Variants in FSIP2 observed in about 807,000 individuals in gnomAD.
The protein encoded by FSIP2 is fibrous sheath interacting protein 2.
In FSIP2, 367 loss-of-function variants were observed where a neutral mutation model predicts 510.5. The observed-to-expected ratio is 0.72, with a 90% confidence interval of 0.66 to 0.78. The LOEUF (loss-of-function observed/expected upper bound fraction) is 0.78, where lower values mean the gene tolerates loss of function less well. FSIP2 is among the 30% of genes least tolerant of loss of function. FSIP2 has a pLI of 0.00. For missense variants in FSIP2, 7,594 were observed against 7,901.7 expected, an observed-to-expected ratio of 0.96 and a Z score of 1.48; for synonymous variants, 2,601 against 2,732.2, an observed-to-expected ratio of 0.95 and a Z score of 1.50.
rs1559030600 is a variant in FSIP2, at chr2:185,797,392, C to T, written c.10256C>T (p.Pro3419Leu). Residue 3419 changes from proline to leucine, a missense_variant, in exon 16 of 23, where the codon CCA becomes CTA. Coordinates refer to ENST00000424728, the MANE Select transcript of FSIP2 (RefSeq NM_173651.4). ...CAAAAATTGAAAAAAAAGGAGTACC[C>T]AAAGATAGAGACTGTGAAGGAAGTT... ...FLQKLKKKEYPKIETVKEVEA... is the reference protein window; with the variant it reads ...FLQKLKKKEYLKIETVKEVEA... The T allele has an allele frequency of 6.5e-7, 1 of 1,530,962 alleles. No homozygotes were observed. The highest frequency in any genetic ancestry group is 8.7e-7 in the Non-Finnish European group (1 of 1,145,290). 94.8% of individuals were successfully genotyped at this position (1,530,962 alleles called of 1,614,324 possible). A position where few individuals can be genotyped will look rare whatever the true frequency, so the allele number is the denominator to read the frequency against.
In FSIP2 at chr2:185,796,988, A is replaced by G; in HGVS notation, c.9852A>G (p.Ala3284=). The G allele has an allele frequency of 5.9e-6, 9 of 1,535,090 alleles. No homozygotes were observed. Among genetic ancestry groups the G allele is most frequent in the Non-Finnish European group, 7.9e-6 (9 of 1,146,226 alleles). ...LRKASDSTEA[A]LKQVLSFIEM... ...AAGCAAGTGACTCCACAGAAGCAGC[A>G]TTAAAGCAAGTCTTGTCATTCATAG... Residue 3284 remains alanine (A), a synonymous_variant, in exon 16 of 23, where the codon GCA becomes GCG. Coordinates refer to ENST00000424728, the MANE Select transcript of FSIP2 (RefSeq NM_173651.4).
intron 19 of FSIP2, among the ~76,000 whole-genome samples, chr2:185,823,743 A>G (rs1163627044): frequency 6.6e-6 from 1 of 151,788 alleles, no homozygotes; most frequent in Non-Finnish European, 1.5e-5. Context: ...TTCTGTGTAC[A>G]TATTCAAAAT....
chr2:185,742,247 C>CA (rs1559007751), intron 2 of FSIP2, among the ~76,000 whole-genome samples: 1 of 152,150 alleles, frequency 6.6e-6, no homozygotes, highest in Non-Finnish European at 1.5e-5. Context: ...AGAGGTCCCC[C>CA]AATAAGCCAT....
At position 185,805,576 on chromosome 2, in the gene FSIP2, C is replaced by G; in HGVS notation, c.16270C>G (p.Gln5424Glu). The G allele has an allele frequency of 1.2e-6, 2 of 1,610,290 alleles. No homozygotes were observed. The highest frequency in any genetic ancestry group is 1.7e-6 in the Non-Finnish European group (2 of 1,178,152). The change falls in exon 17 of 23, where the codon CAA becomes GAA. Residue 5424 changes from glutamine (Q) to glutamate (E), a missense_variant. By Grantham distance (29) the Gln-to-Glu change is conservative (BLOSUM62 2). Transcript: ENST00000424728. ...NITQRVQHLP[Q>E]NTFTQISRCA... ...CACCCAAAGGGTTCAACACCTACCA[C>G]AAAACACCTTTACACAAATAAGCAG...
In FSIP2 at chr2:185,745,451, A is replaced by G; in HGVS notation, c.500A>G (p.His167Arg). Residue 167 changes from histidine (H) to arginine (R), a missense_variant, in exon 5 of 23, where the codon CAT becomes CGT. Physicochemically the swap from His to Arg is conservative, Grantham distance 29. Coordinates refer to ENST00000424728, the MANE Select transcript of FSIP2 (RefSeq NM_173651.4). The part of the protein sequence containing the change: ...KEQRILAKQL[H>R]NIPENNQIPQ... ...TAGAGAATACTTGCAAAACAACTAC[A>G]TAACATACCGGAAAACAATCAAATC... 1.3e-6 allele frequency: 2 copies of G among 1,533,830 alleles called. No homozygotes were observed. Among genetic ancestry groups the G allele is most frequent in the Admixed American group, 2.0e-5 (1 of 50,956 alleles).
At chr2:185,775,703 A>G (rs537235015) in intron 13 of FSIP2, among the ~76,000 whole-genome samples, 69 of 152,072 alleles carry the variant, frequency 4.5e-4, no homozygotes, top group Non-Finnish European at 7.9e-4. Flanking sequence ...TCATTCTCTC[A>G]CCCAGGCTGA....
Position 185,807,845 on chromosome 2 carries a change from A to G in FSIP2, c.18539A>G (p.Glu6180Gly), listed in dbSNP as rs1454586097. The G allele has an allele frequency of 6.2e-7, 1 of 1,611,214 alleles. No individual in the cohort carries two copies. The highest frequency in any genetic ancestry group is 2.2e-5 in the East Asian group (1 of 44,736). ...HADKLSYNII[E>G]EIAVKFLSKL... ...GATAAGCTGTCTTATAACATAATAG[A>G]AGAAATTGCTGTGAAATTTTTATCA... Residue 6180 changes from glutamate to glycine, a missense_variant, in exon 17 of 23, where the codon GAA becomes GGA. Physicochemically the swap from Glu to Gly is moderately conservative, Grantham distance 98. Transcript: ENST00000424728.
intron 14 of FSIP2, among the ~76,000 whole-genome samples, chr2:185,783,218 T>C (rs1692894104): frequency 6.6e-6 from 1 of 152,164 alleles, no homozygotes; most frequent in African/African-American, 2.4e-5. Context: ...AAAATAATAA[T>C]CTCTAGTAGT....
At chr2:185,781,993 G>A (rs1331380743) in intron 13 of FSIP2, among the ~76,000 whole-genome samples, 1 of 151,998 alleles carries the variant, frequency 6.6e-6, no homozygotes, top group Non-Finnish European at 1.5e-5. Context: ...CGCAGGCCGC[G>A]CCCGGCTAAT....
chr2:185,738,369 G>A (rs1033192082), upstream of FSIP2: 7 of 506,964 alleles, frequency 1.4e-5, no homozygotes, highest in African/African-American at 7.9e-5. Context: ...GACAGAAGAG[G>A]CAGGAGGAAG....
rs1181918305 is a variant in FSIP2 at position 185,796,613 on chromosome 2, A to C, written c.9477A>C (p.Glu3159Asp). 6.5e-7 allele frequency: 1 copy of C among 1,535,162 alleles called. No individual in the cohort carries two copies. Among genetic ancestry groups the C allele is most frequent in the South Asian group, 1.2e-5 (1 of 84,032 alleles). ...AENAYTVNQV[E>D]LATNMKMFTS... ...ATGCCTACACTGTTAATCAGGTTGAATTAGCAACTAATATGAAAATGTTCA... is the reference window on the plus strand; with the variant it reads ...ATGCCTACACTGTTAATCAGGTTGACTTAGCAACTAATATGAAAATGTTCA... Residue 3159 changes from glutamate to aspartate, a missense_variant, in exon 16 of 23, where the codon GAA becomes GAC. Physicochemically the swap from Glu to Asp is conservative, Grantham distance 45. Coordinates refer to ENST00000424728, the MANE Select transcript of FSIP2 (RefSeq NM_173651.4).
At chr2:185,764,478 G>C in intron 12 of FSIP2, 24 bp from the exon 13 acceptor site, 1 of 1,489,816 alleles carries the variant, frequency 6.7e-7, no homozygotes. Flanking sequence ...GGATCTATTT[G>C]TTTTGCTGTT....
chr2:185,743,398 G>C, intron 3 of FSIP2, 104 bp downstream of exon 3: 1 of 594,834 alleles, frequency 1.7e-6, no homozygotes, highest in Non-Finnish European at 2.6e-6. Flanking sequence ...CTTTTAACTT[G>C]GTCATGAGAC....
intron 8 of FSIP2, among the ~76,000 whole-genome samples, chr2:185,754,995 T>C (rs566563665): frequency 7.3e-5 from 11 of 151,612 alleles, no homozygotes; most frequent in Admixed American, 4.6e-4. Context: ...CTAAAACACA[T>C]GTTACCTTTC....
chr2:185,803,947 A>T lies in FSIP2; in HGVS notation c.14641A>T (p.Thr4881Ser). The change falls in exon 17 of 23, where the codon ACA becomes TCA. Residue 4881 changes from threonine (T) to serine (S), a missense_variant. Transcript: ENST00000424728. ...TCATTCAAATATATACCAGTCCATT[A>T]CAAAAGATAAAAAGAGCATAAGTGA... is the stretch of plus-strand genomic sequence containing the variant. ...LSHSNIYQSI[T>S]KDKKSISDIP... 6.6e-7 allele frequency: 1 copy of T among 1,511,456 alleles called. No individual in the cohort carries two copies. Among genetic ancestry groups the T allele is most frequent in the Non-Finnish European group, 8.8e-7 (1 of 1,131,586 alleles). 93.6% of individuals were successfully genotyped at this position (1,511,456 alleles called of 1,614,324 possible).
Position 185,806,993 on chromosome 2 carries a change from T to TTA in FSIP2, c.17687_17688insTA (p.Met5896IlefsTer3). 1 of 1,606,098 alleles carries TTA rather than the reference T, an allele frequency of 6.2e-7. No individual in the cohort carries two copies. The highest frequency in any genetic ancestry group is 8.5e-7 in the Non-Finnish European group (1 of 1,177,360). ...GATAAAATGCCACCTATGCATAAAA[T>TTA]GATGAGAAAACCTTCTTCAGATAAG... On this transcript the variant is annotated frameshift_variant, in exon 17 of 23. Coordinates refer to ENST00000424728, the MANE Select transcript of FSIP2 (RefSeq NM_173651.4). LOFTEE classifies it high-confidence loss of function.
At position 185,796,717 on chromosome 2, in the gene FSIP2, A is replaced by C; in HGVS notation, c.9581A>C (p.Glu3194Ala). Reference protein sequence around the residue: ...SKTGFVFCSDEDMKEKYRVSS... With the variant: ...SKTGFVFCSDADMKEKYRVSS... ...ACTGGGTTTGTGTTTTGTTCAGATG[A>C]AGATATGAAAGAAAAGTACAGGGTT... The change falls in exon 16 of 23, where the codon GAA (glutamate) becomes GCA (alanine). Residue 3194 changes from glutamate to alanine, a missense_variant. By Grantham distance (107) the Glu-to-Ala change is moderately radical (BLOSUM62 -1). Coordinates refer to ENST00000424728, the MANE Select transcript of FSIP2 (RefSeq NM_173651.4). 6.5e-7 allele frequency: 1 copy of C among 1,535,094 alleles called. No individual in the cohort carries two copies. The highest frequency in any genetic ancestry group is 8.7e-7 in the Non-Finnish European group (1 of 1,146,236).
chr2:185,767,734 T>A (rs530837530), intron 13 of FSIP2, among the ~76,000 whole-genome samples: 1 of 152,184 alleles, frequency 6.6e-6, no homozygotes, highest in Non-Finnish European at 1.5e-5. Flanking sequence ...TCTTGGTATA[T>A]ATCAGATTTT....
intron 13 of FSIP2, among the ~76,000 whole-genome samples, chr2:185,771,309 A>G (rs751310726): frequency 2.0e-5 from 3 of 152,164 alleles, no homozygotes; most frequent in Non-Finnish European, 1.5e-5. Flanking sequence ...CTGCCCTACT[A>G]GAGTCTCTCT....
Sources: gnomAD v4.1 joint callset for allele counts (sites outside exome capture counted in the v4.1 genomes callset) on GRCh38, gnomAD v4.1.1 for gene constraint, MANE v1.5 for transcripts, NCBI Gene and HGNC (gene_info 2026-07-23, HGNC 2026-07-21) for gene names.